Variants in MOV10 observed in about 807,000 individuals in gnomAD.
MOV10 encodes RNA helicase MOV-10.
In MOV10, 39 loss-of-function variants were observed where a neutral mutation model predicts 108.4. The ratio of observed to expected loss-of-function variants is 0.36; its 90% CI spans 0.28 to 0.47. The LOEUF (loss-of-function observed/expected upper bound fraction) is 0.47. Among genes scored for constraint, MOV10 ranks in the 20% least tolerant of loss-of-function variants. The pLI, the probability that MOV10 is intolerant of heterozygous loss-of-function variation, is 1.00. For missense variants in MOV10, 952 were observed against 1,297.6 expected (o/e 0.73, Z 4.09); for synonymous variants, 490 against 523.1 (o/e 0.94, Z 0.86).
chr1:112,686,558 C>T (rs1673095395), intron 2 of MOV10, among the ~76,000 whole-genome samples: 1 of 152,204 alleles, frequency 6.6e-6, no homozygotes, highest in Non-Finnish European at 1.5e-5. Flanking sequence ...ATAACCACTA[C>T]CTGGGGACTC....
chr1:112,678,907 T>C (rs1672412415), intron 2 of MOV10, among the ~76,000 whole-genome samples: 1 of 152,098 alleles, frequency 6.6e-6, no homozygotes, highest in Non-Finnish European at 1.5e-5. Flanking sequence ...CATTTTACTT[T>C]GGGACCTGGC....
chr1:112,695,621 G>A, intron 11 of MOV10, 47 bp downstream of exon 11: 3 of 1,587,900 alleles, frequency 1.9e-6, no homozygotes, highest in Non-Finnish European at 2.6e-6. Context: ...TGCCGGGGAG[G>A]CTCTCAGGGC....
rs138479583 is a variant in MOV10 at position 112,689,539 on chromosome 1, C to A, written c.466C>A (p.Arg156=). Residue 156 remains arginine, a synonymous_variant, in exon 4 of 21, where the codon CGG becomes AGG. Transcript: ENST00000369645. The part of the protein sequence containing the change: ...NRKEVLTLRL[R]NGGTQSVTLT... Reference sequence around the variant, plus strand: ...CAAAGAGGTGCTGACCCTGAGGCTTCGGAATGGCGGAACCCAGTCTGTTAC... The same window carrying A: ...CAAAGAGGTGCTGACCCTGAGGCTTAGGAATGGCGGAACCCAGTCTGTTAC... The A allele has an allele frequency of 3.2e-5, 52 of 1,614,068 alleles. No homozygotes were observed. The highest frequency in any genetic ancestry group is 4.4e-5 in the Non-Finnish European group (52 of 1,180,046).
rs376126674 is a variant in MOV10 at position 112,689,491 on chromosome 1, C to T, written c.418C>T (p.Leu140Phe). 9 of 1,613,984 alleles carry T rather than the reference C, an allele frequency of 5.6e-6. No homozygotes were observed. Among genetic ancestry groups the T allele is most frequent in the Non-Finnish European group, 5.9e-6 (7 of 1,180,010 alleles). The change falls in exon 4 of 21, where the codon CTT becomes TTT. Residue 140 changes from leucine to phenylalanine, a missense_variant. Physicochemically the swap from Leu to Phe is conservative, Grantham distance 22. Around this residue, in one of 5 missense-constraint regions of MOV10, gnomAD observed 374 missense variants for 468.6 expected, o/e 0.80. Coordinates refer to ENST00000369645, the MANE Select transcript of MOV10 (RefSeq NM_001321324.2). ...GPHEARDGQL[L>F]IRLDLNRKEV... ...CCATGAAGCCCGAGATGGGCAGCTC[C>T]TTATCCGCCTGGATTTGAACCGCAA... is the stretch of plus-strand genomic sequence containing the variant.
intron 2 of MOV10, among the ~76,000 whole-genome samples, chr1:112,678,970 C>T (rs1672418113): frequency 6.6e-6 from 1 of 152,038 alleles, no homozygotes. Flanking sequence ...CATAGTTTCA[C>T]TCCCTGCTCT....
Position 112,698,469 on chromosome 1 carries a change from C to T in MOV10, c.2499C>T (p.Tyr833=). 2 of 1,613,894 alleles carry T rather than the reference C, an allele frequency of 1.2e-6. No homozygotes were observed. The highest frequency in any genetic ancestry group is 1.7e-6 in the Non-Finnish European group (2 of 1,179,938). ...GAAGTGTGGGCGTCATCTCCCCGTA[C>T]CGGAAACAGGTCAGGTCCTCAGTTA... ...SPRSVGVISP[Y]RKQVEKIRYC... is the part of the protein sequence containing the mutation. The change falls in exon 16 of 21, where the codon TAC becomes TAT. Residue 833 remains tyrosine (Y), a synonymous_variant. Coordinates refer to ENST00000369645, the MANE Select transcript of MOV10 (RefSeq NM_001321324.2).
At chr1:112,678,820 CAG>C (rs1316747955) in intron 2 of MOV10, among the ~76,000 whole-genome samples, 1 of 151,922 alleles carries the variant, frequency 6.6e-6, no homozygotes, top group Non-Finnish European at 1.5e-5. Context: ...CTGACGTAAT[CAG>C]ATTTAGAAAG....
At chr1:112,691,887 C>G in intron 6 of MOV10, 88 bp downstream of exon 6, 3 of 1,423,760 alleles carry the variant, frequency 2.1e-6, no homozygotes, top group Non-Finnish European at 2.9e-6. Flanking sequence ...TCCTCAGCCT[C>G]CCAGGCTGTA....
chr1:112,686,278 T>C (rs1485712378), intron 2 of MOV10, among the ~76,000 whole-genome samples: 1 of 152,232 alleles, frequency 6.6e-6, no homozygotes, highest in Non-Finnish European at 1.5e-5. Flanking sequence ...CTGTGAAGCA[T>C]AGCTGCTGTA....
chr1:112,697,913 C>A lies in MOV10; in HGVS notation c.2199-81C>A, dbSNP rs1674255137. 6.9e-6 allele frequency: 8 copies of A among 1,165,834 alleles called. No homozygotes were observed. The South Asian group carries it at 1.0e-4, about 15-fold the overall frequency. The allele number at this position is 1,165,834 out of a possible 1,614,324, so 72.2% of individuals were successfully genotyped here. A position where few individuals can be genotyped will look rare whatever the true frequency, so the allele number is the denominator to read the frequency against. ...GGGGTAGCAGGCTATTGTGTGTGGG[C>A]CCAGAGTGGGTAGAGCGGAGCCCCT... On this transcript the variant is annotated intron_variant, in intron 14 of 20. Coordinates refer to ENST00000369645, the MANE Select transcript of MOV10 (RefSeq NM_001321324.2).
At chr1:112,691,617 T>G (rs1010170432) in intron 5 of MOV10, 48 bp from the exon 6 acceptor site, 3 of 1,594,348 alleles carry the variant, frequency 1.9e-6, no homozygotes. Context: ...GTTCTCAGAG[T>G]GTTGGAGGGT....
intron 2 of MOV10, among the ~76,000 whole-genome samples, chr1:112,680,472 C>T (rs75939512): frequency 0.5 from 75,269 of 149,920 alleles, 18,972 homozygotes; most frequent in South Asian, 0.65. Context: ...CTGGCTAACA[C>T]GGTGAAACCC....
Position 112,689,091 on chromosome 1 carries a change from T to C in MOV10, c.294T>C (p.Asp98=). 1 of 1,612,002 alleles carries C rather than the reference T, an allele frequency of 6.2e-7. No individual in the cohort carries two copies. Among genetic ancestry groups the C allele is most frequent in the Non-Finnish European group, 8.5e-7 (1 of 1,179,846 alleles). Residue 98 remains aspartate (D), a synonymous_variant, in exon 3 of 21, where the codon GAT becomes GAC. Transcript: ENST00000369645. ...AGAGGAGAATGAAGCTGGGGTCAGA[T>C]ATCAGCAAACACCACAAGTCACTGC... The part of the protein sequence containing the change: ...PEKRRMKLGS[D]ISKHHKSLLA...
chr1:112,699,054 A>G, intron 17 of MOV10: 1 of 466,448 alleles, frequency 2.1e-6, no homozygotes, highest in Non-Finnish European at 3.8e-6. Flanking sequence ...CTAAGGATAA[A>G]GTCCAAATTC....
At position 112,694,398 on chromosome 1, in the gene MOV10, T is replaced by C. The variant is rs1673868290; in HGVS notation, c.1296-55T>C. On this transcript the variant is annotated intron_variant, in intron 8 of 20. Transcript: ENST00000369645. This position sits in a 1 kb window ranked among gnomAD's most constrained non-coding sequence, Gnocchi z 4.1. ...GGTTGGTGGAGAAAGTTCTGGCCCT[T>C]TATTGCCCACCTCCCCTGCCCCAAC... The C allele has an allele frequency of 5.0e-6, 8 of 1,606,020 alleles. No individual in the cohort carries two copies. In the South Asian group the frequency reaches 6.6e-5, roughly 13 times the overall value.
At chr1:112,700,019 A>G (rs373130482) in intron 19 of MOV10, 37 bp downstream of exon 19, 69 of 1,611,878 alleles carry the variant, frequency 4.3e-5, no homozygotes, top group Non-Finnish European at 6.8e-6. Flanking sequence ...CTTAGTGGCC[A>G]CAGCCCCTGC....
intron 19 of MOV10, 55 bp from the exon 20 acceptor site, chr1:112,700,164 G>A: frequency 1.2e-6 from 2 of 1,612,838 alleles, no homozygotes; most frequent in Non-Finnish European, 1.7e-6. Flanking sequence ...GCTCAGATGG[G>A]ACAGGACCGT....
rs756856006 is a variant in MOV10 at position 112,699,829 on chromosome 1, G to T, written c.2709+19G>T. On this transcript the variant is annotated intron_variant, in intron 18 of 20. Coordinates refer to ENST00000369645, the MANE Select transcript of MOV10 (RefSeq NM_001321324.2). Reference sequence around the variant, plus strand: ...CCCCAAGGTTTGAGGGCTGGTCGGGGTGGCAGGAATTCTTCCATTCTCGGG... The same window carrying T: ...CCCCAAGGTTTGAGGGCTGGTCGGGTTGGCAGGAATTCTTCCATTCTCGGG... 6 of 1,614,130 alleles carry T rather than the reference G, an allele frequency of 3.7e-6. No individual in the cohort carries two copies. The highest frequency in any genetic ancestry group is 5.1e-6 in the Non-Finnish European group (6 of 1,179,956).
chr1:112,676,671 TA>T (rs1199293053), intron 2 of MOV10, among the ~76,000 whole-genome samples: 1 of 152,188 alleles, frequency 6.6e-6, no homozygotes, highest in African/African-American at 2.4e-5. Context: ...AGATTCTTGT[TA>T]AAGGCAGACC....
Sources: gnomAD v4.1 joint callset for allele counts (sites outside exome capture counted in the v4.1 genomes callset) on GRCh38, gnomAD v4.1.1 for gene constraint, gnomAD v4.1.1 regional missense constraint, Gnocchi (gnomAD v3.1) non-coding constraint, MANE v1.5 for transcripts, NCBI Gene and HGNC (gene_info 2026-07-23, HGNC 2026-07-21) for gene names.